The following PECAM1 variants were observed in gnomAD, a reference collection of about 807,000 sequenced individuals.
PECAM1 encodes the protein platelet and endothelial cell adhesion molecule 1.
PECAM1 carries 8 observed loss-of-function variants against 13.8 expected under a neutral mutation model. That is an observed-to-expected ratio of 0.58 (90% CI 0.34 to 1.05). The LOEUF (loss-of-function observed/expected upper bound fraction) is 1.05, where lower values mean the gene tolerates loss of function less well. Ranked by LOEUF, PECAM1 falls within the 50% of genes least tolerant of loss-of-function variation. The probability of loss-of-function intolerance (pLI) is 0.03; values close to 1 mark genes in which losing one functional copy is unlikely to be tolerated. For synonymous variants in PECAM1, 136 were observed against 52.6 expected (o/e 2.58, Z -6.86); for missense variants, 304 against 141.2 (o/e 2.15, Z -5.84).
At chr17:64,347,885 C>T (rs1341593414) in intron 13 of PECAM1, among the ~76,000 whole-genome samples, 1 of 151,330 alleles carries the variant, frequency 6.6e-6, no homozygotes, top group Admixed American at 6.6e-5. Context: ...TGTGCGCCAC[C>T]AGAGCCGGCT....
chr17:64,344,530 C>A (rs1339521023), intron 13 of PECAM1, among the ~76,000 whole-genome samples: 14 of 152,142 alleles, frequency 9.2e-5, no homozygotes, highest in Admixed American at 4.6e-4. Context: ...TCCTCCACCC[C>A]AAGTGACCAC....
chr17:64,353,597 G>A (rs1326116188), intron 9 of PECAM1, 79 bp from the exon 10 acceptor site: 1 of 436,562 alleles, frequency 2.3e-6, no homozygotes, highest in African/African-American at 2.0e-5. Context: ...AAACGCCAAT[G>A]GCTTTTGCAC....
chr17:64,367,567 A>G (rs928439917), intron 5 of PECAM1, among the ~76,000 whole-genome samples: 1 of 146,362 alleles, frequency 6.8e-6, no homozygotes, highest in African/African-American at 2.5e-5. Flanking sequence ...AAAAAAAAAA[A>G]GAAAAGAAAA....
At chr17:64,330,635 CA>C (rs200563172) in intron 14 of PECAM1, among the ~76,000 whole-genome samples, 3,450 of 107,570 alleles carry the variant, frequency 0.032, 52 homozygotes, top group East Asian at 0.092. Flanking sequence ...GACTCCATCT[CA>C]AAAAAAAAAA....
chr17:64,345,462 C>T (rs1016313913), intron 13 of PECAM1, among the ~76,000 whole-genome samples: 291 of 152,136 alleles, frequency 1.9e-3, no homozygotes, highest in African/African-American at 4.6e-3. Context: ...CCTGTAATCC[C>T]GGCACTTTGG....
chr17:64,352,866 T>G (rs1437715264), intron 10 of PECAM1, among the ~76,000 whole-genome samples: 7 of 151,966 alleles, frequency 4.6e-5, no homozygotes, highest in Non-Finnish European at 8.8e-5. Context: ...GCTAGGCTGG[T>G]CTTGAACTCC....
chr17:64,344,061 A>G (rs2035501777), intron 13 of PECAM1, among the ~76,000 whole-genome samples: 1 of 152,192 alleles, frequency 6.6e-6, no homozygotes, highest in Non-Finnish European at 1.5e-5. Context: ...AACAAATGCT[A>G]TCAAACACCA....
chr17:64,368,305 T>C (rs1242824172), intron 5 of PECAM1, among the ~76,000 whole-genome samples: 6 of 151,966 alleles, frequency 3.9e-5, no homozygotes, highest in Non-Finnish European at 8.8e-5. Flanking sequence ...ACAAGAAAGG[T>C]AGAGTATATT....
intron 9 of PECAM1, among the ~76,000 whole-genome samples, chr17:64,354,004 A>C (rs2035793544): frequency 6.9e-6 from 1 of 145,252 alleles, no homozygotes; most frequent in Non-Finnish European, 1.5e-5. Context: ...CAGTGATGTG[A>C]TCTGGGCTCA....
intron 8 of PECAM1, 37 bp from the exon 9 acceptor site, chr17:64,355,077 A>G: frequency 2.1e-6 from 1 of 471,446 alleles, no homozygotes; most frequent in South Asian, 7.1e-5. Flanking sequence ...TTTTTTGTAT[A>G]TAGGCTCTTC....
At chr17:64,362,414 C>T (rs1304828126) in intron 6 of PECAM1, among the ~76,000 whole-genome samples, 2 of 152,100 alleles carry the variant, frequency 1.3e-5, no homozygotes, top group East Asian at 3.9e-4. Flanking sequence ...CTTTGGGAGG[C>T]TGAGGCAGGC....
chr17:64,331,991 C>A (rs540706970), intron 14 of PECAM1, among the ~76,000 whole-genome samples: 1 of 152,204 alleles, frequency 6.6e-6, no homozygotes, highest in African/African-American at 2.4e-5. Flanking sequence ...TCCTCCTGGA[C>A]CTCGGGCAGG....
chr17:64,370,244 C>G (rs1365544055), intron 4 of PECAM1: 4 of 361,832 alleles, frequency 1.1e-5, no homozygotes, highest in Non-Finnish European at 2.0e-5. Flanking sequence ...CTGCAATTCT[C>G]TGGGTTTCTG....
At chr17:64,382,609 G>A (rs1258945547) in intron 2 of PECAM1, among the ~76,000 whole-genome samples, 1 of 152,068 alleles carries the variant, frequency 6.6e-6, no homozygotes, top group East Asian at 1.9e-4. Context: ...TAAACGCCTG[G>A]CCTCAAGCAA....
intron 11 of PECAM1, among the ~76,000 whole-genome samples, chr17:64,350,859 G>A (rs2035706044): frequency 6.6e-6 from 1 of 151,630 alleles, no homozygotes; most frequent in Non-Finnish European, 1.5e-5. Context: ...TACCATGCCT[G>A]GCCTGAATAT....
At chr17:64,336,505 A>C (rs888658585) in intron 14 of PECAM1, among the ~76,000 whole-genome samples, 3 of 152,158 alleles carry the variant, frequency 2.0e-5, no homozygotes, top group Non-Finnish European at 2.9e-5. Context: ...TACTTGGAAG[A>C]TGTTTTCTAT....
Position 64,374,948 on chromosome 17 carries a change from C to T in PECAM1, c.691+103G>A, listed in dbSNP as rs981247805. On this transcript the variant is annotated intron_variant, in intron 4 of 15. Transcript: ENST00000563924. ...TGGCTTAAAATGATTAAGAACAGGTCTTAAGTCCTGAGAACAGCAGCCCCT... is the reference window on the plus strand; with the variant it reads ...TGGCTTAAAATGATTAAGAACAGGTTTTAAGTCCTGAGAACAGCAGCCCCT... 40 of 417,076 alleles carry T rather than the reference C, an allele frequency of 9.6e-5. No homozygotes were observed. The South Asian group carries it at 4.5e-3, about 47-fold the overall frequency. The allele number at this position is 417,076 out of a possible 1,614,324, so 25.8% of individuals were successfully genotyped here.
chr17:64,368,931 CTTTTTTTTTTT>C (rs1176037024), intron 5 of PECAM1, among the ~76,000 whole-genome samples: 3 of 75,074 alleles, frequency 4.0e-5, no homozygotes, highest in African/African-American at 6.2e-5. Context: ...ATTGTCATTT[CTTTTTTTTTTT>C]TTTTTTTTTT....
chr17:64,348,901 C>T, intron 12 of PECAM1, among the ~76,000 whole-genome samples: 1 of 152,284 alleles, frequency 6.6e-6, no homozygotes, highest in African/African-American at 2.4e-5. Context: ...CCTCTGTTAC[C>T]AGGATGTGGA....
Sources: gnomAD v4.1 joint callset for allele counts (sites outside exome capture counted in the v4.1 genomes callset) on GRCh38, gnomAD v4.1.1 for gene constraint, MANE v1.5 for transcripts, NCBI Gene and HGNC (gene_info 2026-07-23, HGNC 2026-07-21) for gene names.